MED28: variants seen among roughly 807,000 people sequenced by gnomAD.
MED28 encodes the protein mediator of RNA polymerase II transcription subunit 28.
MED28 carries 26 observed loss-of-function variants against 21.3 expected under a neutral mutation model. The ratio of observed to expected loss-of-function variants is 1.22; its 90% CI spans 0.89 to 1.69. MED28 has a LOEUF of 1.69. Ranked by LOEUF, MED28 falls within the 40% of genes most tolerant of loss-of-function variation. The pLI is 0.00. For missense variants in MED28, 257 were observed against 215.4 expected (o/e 1.19, Z -1.21); for synonymous variants, 110 against 87.6 (o/e 1.26, Z -1.43).
At position 17,629,627 on chromosome 4, in the gene MED28, C is replaced by T. The variant is rs1398590610; in HGVS notation, c.*5829C>T. 6.6e-6 allele frequency: 1 copy of T among 152,106 alleles called. No individual in the cohort carries two copies. The highest frequency in any genetic ancestry group is 1.5e-5 in the Non-Finnish European group (1 of 68,016). 9.4% of individuals were successfully genotyped at this position (152,106 alleles called of 1,614,324 possible). Reference sequence around the variant, plus strand: ...CATAATACAGCCTGAAGAGATTTACCATTAAATACTGTTTTTTTCTCTCTC... The same window carrying T: ...CATAATACAGCCTGAAGAGATTTACTATTAAATACTGTTTTTTTCTCTCTC... On this transcript the variant is annotated 3_prime_UTR_variant, in exon 4 of 4. Transcript: ENST00000237380.
At chr4:17,615,112 C>T (rs181895292) in intron 1 of MED28, among the ~76,000 whole-genome samples, 13 of 152,348 alleles carry the variant, frequency 8.5e-5, no homozygotes, top group South Asian at 2.1e-4. Context: ...AGCACCGTTT[C>T]TTGCATCCCT....
chr4:17,620,137 A>T, intron 2 of MED28, 170 bp downstream of exon 2: 1 of 627,550 alleles, frequency 1.6e-6, no homozygotes, highest in South Asian at 1.9e-5. Flanking sequence ...TCAGTTTATT[A>T]ATTGACATAT....
Position 17,632,649 on chromosome 4 carries a change from T to A in MED28, c.*8851T>A. 1 of 1,489,424 alleles carries A rather than the reference T, an allele frequency of 6.7e-7. No individual in the cohort carries two copies. The highest frequency in any genetic ancestry group is 9.1e-7 in the Non-Finnish European group (1 of 1,093,888). 92.3% of individuals were successfully genotyped at this position (1,489,424 alleles called of 1,614,324 possible). ...TCCTAAAAGCAAAAAAAGGTTTTTTTATATGGTTTTGAAAACTATGCAAGA... is the reference window on the plus strand; with the variant it reads ...TCCTAAAAGCAAAAAAAGGTTTTTTAATATGGTTTTGAAAACTATGCAAGA... On this transcript the variant is annotated 3_prime_UTR_variant, in exon 4 of 4. Coordinates refer to ENST00000237380, the MANE Select transcript of MED28 (RefSeq NM_025205.5).
chr4:17,617,992 C>CTTTTTTTTT (rs199632933), intron 1 of MED28, among the ~76,000 whole-genome samples: 1 of 141,492 alleles, frequency 7.1e-6, no homozygotes. Flanking sequence ...GCCTGTGTAT[C>CTTTTTTTTT]TTTTTTTTTT....
chr4:17,623,346 A>AGCC (rs1454870997), intron 3 of MED28, among the ~76,000 whole-genome samples: 1 of 147,348 alleles, frequency 6.8e-6, no homozygotes, highest in Non-Finnish European at 1.5e-5. Flanking sequence ...GGCTGCACTG[A>AGCC]GCCGAGACCG....
intron 3 of MED28, among the ~76,000 whole-genome samples, 196 bp from the exon 4 acceptor site, chr4:17,623,405 A>G (rs1714689328): frequency 6.6e-6 from 1 of 151,806 alleles, no homozygotes. Context: ...TCTCAAAAAA[A>G]AAAAAAAAAA....
At chr4:17,616,910 C>G (rs1714469903) in intron 1 of MED28, among the ~76,000 whole-genome samples, 1 of 152,154 alleles carries the variant, frequency 6.6e-6, no homozygotes, top group Non-Finnish European at 1.5e-5. Context: ...TGTAGGTGCC[C>G]TTGAGAGAGA....
chr4:17,617,698 C>T (rs761798585), intron 1 of MED28, among the ~76,000 whole-genome samples: 16 of 152,018 alleles, frequency 1.1e-4, no homozygotes, highest in South Asian at 1.0e-3. Context: ...CTTGAGGTCA[C>T]GAGTTCGAGA....
In MED28 at chr4:17,630,688, T is replaced by G. The variant is rs1420414352; in HGVS notation, c.*6890T>G. 4.6e-5 allele frequency: 7 copies of G among 152,212 alleles called. No individual in the cohort carries two copies. Among genetic ancestry groups the G allele is most frequent in the African/African-American group, 1.4e-4 (6 of 41,452 alleles). The allele number at this position is 152,212 out of a possible 1,614,324, so 9.4% of individuals were successfully genotyped here. A position where few individuals can be genotyped will look rare whatever the true frequency, so the allele number is the denominator to read the frequency against. ...TGTGTTAATGTATGGTGACAAGTGT[T>G]TGTTTGCATTTAAAAATGCATTGGA... On this transcript the variant is annotated 3_prime_UTR_variant, in exon 4 of 4. Coordinates refer to ENST00000237380, the MANE Select transcript of MED28 (RefSeq NM_025205.5).
rs1183927965 is a variant in MED28, at chr4:17,627,464, A to C, written c.*3666A>C. The C allele has an allele frequency of 6.7e-6, 1 of 150,220 alleles. No homozygotes were observed. The highest frequency in any genetic ancestry group is 1.5e-5 in the Non-Finnish European group (1 of 68,182). The allele number at this position is 150,220 out of a possible 1,614,324, so 9.3% of individuals were successfully genotyped here. On this transcript the variant is annotated 3_prime_UTR_variant, in exon 4 of 4. Transcript: ENST00000237380. ...TTCTTTCCTCTTTTCTCCTCCACCCAAATGTCTTAACTGTTAACATTCCCA... is the reference window on the plus strand; with the variant it reads ...TTCTTTCCTCTTTTCTCCTCCACCCCAATGTCTTAACTGTTAACATTCCCA...
chr4:17,633,864 T>C lies in MED28; in HGVS notation c.*10066T>C, dbSNP rs1464387513. On this transcript the variant is annotated 3_prime_UTR_variant, in exon 4 of 4. Coordinates refer to ENST00000237380, the MANE Select transcript of MED28 (RefSeq NM_025205.5). ...AGGTTCGGCACGCTGACCACGCGGC[T>C]GGGCACGTCCTCCACCTTCTTTTTC... 2.6e-6 allele frequency: 4 copies of C among 1,550,490 alleles called. No homozygotes were observed. Among genetic ancestry groups the C allele is most frequent in the Non-Finnish European group, 2.6e-6 (3 of 1,146,544 alleles).
In MED28 at chr4:17,633,824, T is replaced by G. The variant is rs1322406441; in HGVS notation, c.*10026T>G. 3 of 1,551,600 alleles carry G rather than the reference T, an allele frequency of 1.9e-6. No homozygotes were observed. The East Asian group carries it at 7.3e-5, about 38-fold the overall frequency. On this transcript the variant is annotated 3_prime_UTR_variant, in exon 4 of 4. Transcript: ENST00000237380. ...ACTCAGATCGCCACTCAGAAAGTTC[T>G]TTGCATAGGAGGCGAGGTTCGGCAC...
rs751759354 is a variant in MED28 at position 17,631,960 on chromosome 4, A to T, written c.*8162A>T. Reference sequence around the variant, plus strand: ...CAAAATGGAGTATGATGTTATGGACACTAGAAATACAAGGTATGGGTCATT... The same window carrying T: ...CAAAATGGAGTATGATGTTATGGACTCTAGAAATACAAGGTATGGGTCATT... On this transcript the variant is annotated 3_prime_UTR_variant, in exon 4 of 4. Transcript: ENST00000237380. 1 of 151,864 alleles carries T rather than the reference A, an allele frequency of 6.6e-6. No homozygotes were observed. The highest frequency in any genetic ancestry group is 1.5e-5 in the Non-Finnish European group (1 of 67,984). 9.4% of individuals were successfully genotyped at this position (151,864 alleles called of 1,614,324 possible).
Position 17,623,784 on chromosome 4 carries a change from C to G in MED28, c.523C>G (p.Leu175Val), listed in dbSNP as rs369638833. 1.2e-5 allele frequency: 19 copies of G among 1,613,792 alleles called. No homozygotes were observed. In the African/African-American group the frequency reaches 2.3e-4, roughly 19 times the overall value. ...GGCATCTGCCAACATCCCTGCACCT[C>G]TGAAGCCAACGTGAGCAAAGGGCAG... The part of the protein sequence containing the change: ...EQASANIPAP[L>V]KPT Residue 175 changes from leucine (L) to valine (V), a missense_variant, in exon 4 of 4, where the codon CTG (leucine) becomes GTG (valine). Transcript: ENST00000237380.
chr4:17,620,196 A>G, intron 2 of MED28: 1 of 537,840 alleles, frequency 1.9e-6, no homozygotes, highest in South Asian at 2.1e-5. Flanking sequence ...CGTACTAGGT[A>G]AAGAAGAAGA....
chr4:17,623,843 G>T lies in MED28; in HGVS notation c.*45G>T. ...GGCCTATGAGTGGGCTGATGCGTGA[G>T]GTTGGCCACACATTCCTTCCTGTGG... On this transcript the variant is annotated 3_prime_UTR_variant, in exon 4 of 4. Transcript: ENST00000237380. 2.6e-6 allele frequency: 4 copies of T among 1,565,596 alleles called. No homozygotes were observed. Among genetic ancestry groups the T allele is most frequent in the Non-Finnish European group, 3.5e-6 (4 of 1,147,626 alleles).
intron 1 of MED28, among the ~76,000 whole-genome samples, chr4:17,615,339 A>G (rs1714417135): frequency 6.6e-6 from 1 of 152,178 alleles, no homozygotes; most frequent in Non-Finnish European, 1.5e-5. Flanking sequence ...CCAATCTCTC[A>G]GTTTTGCCCA....
rs1715033826 is a variant in MED28, at chr4:17,633,684, C to G, written c.*9886C>G. 3.3e-6 allele frequency: 5 copies of G among 1,522,956 alleles called. No homozygotes were observed. The highest frequency in any genetic ancestry group is 4.4e-6 in the Non-Finnish European group (5 of 1,131,736). The allele number at this position is 1,522,956 out of a possible 1,614,324, so 94.3% of individuals were successfully genotyped here. ...AAGGGCCCCTGTCCCCAACATCCCC[C>G]AAACCTTGTGGCAGTTTTTGCATCT... On this transcript the variant is annotated 3_prime_UTR_variant, in exon 4 of 4. Coordinates refer to ENST00000237380, the MANE Select transcript of MED28 (RefSeq NM_025205.5).
chr4:17,621,095 A>G (rs1426462201), intron 2 of MED28, among the ~76,000 whole-genome samples: 1 of 147,420 alleles, frequency 6.8e-6, no homozygotes, highest in Admixed American at 6.9e-5. Flanking sequence ...GCTCACTGCA[A>G]CCTCTCACTC....
Sources: allele counts gnomAD v4.1 joint callset (sites outside exome capture counted in the v4.1 genomes callset), GRCh38; gene constraint gnomAD v4.1.1; transcripts MANE v1.5; gene names NCBI Gene and HGNC (gene_info 2026-07-23, HGNC 2026-07-21).